The following NUDT3 variants were observed in gnomAD, a reference collection of about 807,000 sequenced individuals.
NUDT3 encodes nudix hydrolase 3.
Under a neutral mutation model 23.6 loss-of-function variants are expected in NUDT3, and 9 were observed. The ratio of observed to expected loss-of-function variants is 0.38; its 90% confidence interval spans 0.23 to 0.66. NUDT3 has a LOEUF of 0.66. NUDT3 is among the 30% of genes least tolerant of loss of function. NUDT3 has a pLI of 0.52. For synonymous variants in NUDT3, 86 were observed against 82.6 expected, an observed-to-expected ratio of 1.04 and a Z score of -0.22; for missense variants, 172 against 218.5, an observed-to-expected ratio of 0.79 and a Z score of 1.34.
intron 1 of NUDT3, among the ~76,000 whole-genome samples, chr6:34,368,828 C>T (rs1166154039): frequency 1.3e-5 from 2 of 152,158 alleles, no homozygotes; most frequent in East Asian, 1.9e-4. Context: ...TTAGCAGAGA[C>T]GGGGTTTCAC....
At chr6:34,371,139 G>T (rs746747444) in intron 1 of NUDT3, among the ~76,000 whole-genome samples, 11 of 149,662 alleles carry the variant, frequency 7.3e-5, no homozygotes, top group Non-Finnish European at 1.0e-4. Flanking sequence ...GTCTAATACC[G>T]CTTTGCTGTG....
intron 2 of NUDT3, among the ~76,000 whole-genome samples, chr6:34,323,653 A>T (rs566828758): frequency 2.0e-5 from 3 of 152,354 alleles, no homozygotes; most frequent in African/African-American, 7.2e-5. Flanking sequence ...GAAAAGAAAT[A>T]CATGCTAAAG....
intron 1 of NUDT3, among the ~76,000 whole-genome samples, chr6:34,387,668 CT>C (rs201471818): frequency 9.7e-6 from 1 of 103,120 alleles, no homozygotes; most frequent in Non-Finnish European, 1.8e-5. Flanking sequence ...GATCTCATCT[CT>C]TTTTAAAAAA....
chr6:34,383,309 AACTTT>A (rs1446384211), intron 1 of NUDT3, among the ~76,000 whole-genome samples: 1 of 152,282 alleles, frequency 6.6e-6, no homozygotes, highest in East Asian at 1.9e-4. Context: ...CAGTTCATAA[AACTTT>A]ACTGTTTTAT....
At chr6:34,388,203 CA>C (rs1369043762) in intron 1 of NUDT3, among the ~76,000 whole-genome samples, 1 of 152,122 alleles carries the variant, frequency 6.6e-6, no homozygotes, top group Non-Finnish European at 1.5e-5. Flanking sequence ...TGTGTAAGTA[CA>C]TTCTATGATG....
At chr6:34,384,377 T>A (rs980238179) in intron 1 of NUDT3, among the ~76,000 whole-genome samples, 1 of 152,208 alleles carries the variant, frequency 6.6e-6, no homozygotes, top group Admixed American at 6.5e-5. Flanking sequence ...GAAATCTAAC[T>A]CACACAATCC....
intron 2 of NUDT3, among the ~76,000 whole-genome samples, chr6:34,331,303 T>C (rs1172593693): frequency 6.7e-6 from 1 of 149,778 alleles, no homozygotes; most frequent in African/African-American, 2.4e-5. Context: ...TTTTTTTTTT[T>C]TCCAAACTTT....
chr6:34,373,466 G>C (rs1405896375), intron 1 of NUDT3, among the ~76,000 whole-genome samples: 1 of 152,006 alleles, frequency 6.6e-6, no homozygotes. Context: ...TGTGTATGGA[G>C]CACCACGTAG....
chr6:34,390,337 T>A (rs1765177568), intron 1 of NUDT3, among the ~76,000 whole-genome samples: 1 of 151,286 alleles, frequency 6.6e-6, no homozygotes, highest in Non-Finnish European at 1.5e-5. Context: ...AGGCAAGTCC[T>A]ATGCCTGGTC....
chr6:34,321,496 A>G (rs953283030), intron 2 of NUDT3, among the ~76,000 whole-genome samples: 2 of 152,150 alleles, frequency 1.3e-5, no homozygotes, highest in African/African-American at 2.4e-5. Context: ...CATCATTAAT[A>G]GAATTAGTTT....
At chr6:34,339,563 G>A (rs1764258232) in intron 2 of NUDT3, among the ~76,000 whole-genome samples, 1 of 152,200 alleles carries the variant, frequency 6.6e-6, no homozygotes, top group African/African-American at 2.4e-5. Context: ...GATGTTGCTG[G>A]TCCATCAATT....
At position 34,288,735 on chromosome 6, in the gene NUDT3, C is replaced by T; in HGVS notation, c.*18G>A. 6.3e-7 allele frequency: 1 copy of T among 1,599,672 alleles called. No homozygotes were observed. The highest frequency in any genetic ancestry group is 8.5e-7 in the Non-Finnish European group (1 of 1,174,640). On this transcript the variant is annotated 3_prime_UTR_variant, in exon 5 of 5. Coordinates refer to ENST00000607016, the MANE Select transcript of NUDT3 (RefSeq NM_006703.4). Reference sequence around the variant, plus strand: ...AGTCTAGTTTCCAATTTCCATTTCTCTTACAGGAAGTCTTCAGTCATCTGA... The same window carrying T: ...AGTCTAGTTTCCAATTTCCATTTCTTTTACAGGAAGTCTTCAGTCATCTGA...
intron 2 of NUDT3, among the ~76,000 whole-genome samples, chr6:34,300,433 G>A (rs1289022183): frequency 6.6e-6 from 1 of 152,222 alleles, no homozygotes; most frequent in East Asian, 1.9e-4. Flanking sequence ...GTATGCCTAA[G>A]CAAGGCACAG....
At chr6:34,344,444 C>T (rs1023300291) in intron 1 of NUDT3, among the ~76,000 whole-genome samples, 10 of 152,196 alleles carry the variant, frequency 6.6e-5, no homozygotes, top group Admixed American at 2.0e-4. Flanking sequence ...GCACAGAAGG[C>T]CACATATTGT....
intron 2 of NUDT3, among the ~76,000 whole-genome samples, chr6:34,335,455 TATA>T (rs1212324039): frequency 3.3e-5 from 5 of 152,174 alleles, no homozygotes; most frequent in South Asian, 4.1e-4. Context: ...TCTTAAATAT[TATA>T]ATGTTTATTA....
intron 1 of NUDT3, among the ~76,000 whole-genome samples, chr6:34,380,642 G>T (rs1013903733): frequency 1.3e-5 from 2 of 152,198 alleles, no homozygotes; most frequent in Non-Finnish European, 2.9e-5. Context: ...AGAATTCTCT[G>T]TTGAGATCTT....
In NUDT3 at chr6:34,285,734, A is replaced by T. The variant is rs75986867; in HGVS notation, c.*3019T>A. On this transcript the variant is annotated 3_prime_UTR_variant, in exon 5 of 5. Transcript: ENST00000607016. The stretch of plus-strand genomic sequence containing the variant: ...CTAAAGGACTGTGACGACATTCTCA[A>T]TAAAGACAGTCATGGTGTTTACTGT... The T allele has an allele frequency of 3.6e-4, 55 of 152,296 alleles. No individual in the cohort carries two copies. The highest frequency in any genetic ancestry group is 1.3e-3 in the African/African-American group (52 of 41,568). 9.4% of individuals were successfully genotyped at this position (152,296 alleles called of 1,614,324 possible).
chr6:34,391,934 G>A (rs1765208280), intron 1 of NUDT3, among the ~76,000 whole-genome samples: 1 of 152,124 alleles, frequency 6.6e-6, no homozygotes, highest in East Asian at 1.9e-4. Context: ...CCGTTGGCCT[G>A]GACCGAAAGC....
At chr6:34,344,164 C>T (rs192381570) in intron 1 of NUDT3, among the ~76,000 whole-genome samples, 1 of 152,034 alleles carries the variant, frequency 6.6e-6, no homozygotes, top group African/African-American at 2.4e-5. Flanking sequence ...ATAAAATTAC[C>T]ATCAGATCTA....
Sources: gnomAD v4.1 joint callset for allele counts (sites outside exome capture counted in the v4.1 genomes callset) on GRCh38, gnomAD v4.1.1 for gene constraint, MANE v1.5 for transcripts, NCBI Gene and HGNC (gene_info 2026-07-23, HGNC 2026-07-21) for gene names.